Variants in GOLGA1 observed in about 807,000 individuals in gnomAD.
GOLGA1 encodes the protein golgin A1.
In GOLGA1, 63 loss-of-function variants were observed where a neutral mutation model predicts 119.7. The observed-to-expected ratio is 0.53, with a 90% CI of 0.43 to 0.65. The LOEUF is 0.65. GOLGA1 is among the 30% of genes least tolerant of loss of function. The probability of loss-of-function intolerance (pLI) is 0.00; values close to 1 mark genes in which losing one functional copy is unlikely to be tolerated. For missense variants in GOLGA1, 798 were observed against 912.8 expected (o/e 0.87, Z 1.62); for synonymous variants, 318 against 333.4 (o/e 0.95, Z 0.50).
chr9:124,878,515 G>A lies in GOLGA1; in HGVS notation c.*2015C>T, dbSNP rs997774385. 6.6e-6 allele frequency: 1 copy of A among 152,624 alleles called. No homozygotes were observed. The highest frequency in any genetic ancestry group is 2.4e-5 in the African/African-American group (1 of 41,446). The allele number at this position is 152,624 out of a possible 1,614,324, so 9.5% of individuals were successfully genotyped here. On this transcript the variant is annotated 3_prime_UTR_variant, in exon 23 of 23. Coordinates refer to ENST00000373555, the MANE Select transcript of GOLGA1 (RefSeq NM_002077.4). ...CGTATAAAGGGCTATAGATACCGTC[G>A]CTAACACAGAAAGTTTTATACAAGT...
At position 124,881,665 on chromosome 9, in the gene GOLGA1, CAA is replaced by C. The variant is rs1829584829; in HGVS notation, c.2136+117_2136+118del. ...AGCAGGAGAAATGACTGGGTGACCA[CAA>C]GGGCGTCAAACCAGGATGTACGAGG... On this transcript the variant is annotated intron_variant, in intron 21 of 22. Transcript: ENST00000373555. The surrounding 1 kb of genome is among the most constrained non-coding windows in gnomAD (Gnocchi z 4.9). The C allele has an allele frequency of 1.3e-6, 1 of 745,534 alleles. No homozygotes were observed. Among genetic ancestry groups the C allele is most frequent in the Non-Finnish European group, 2.3e-6 (1 of 440,360 alleles). 46.2% of individuals were successfully genotyped at this position (745,534 alleles called of 1,614,324 possible). A position where few individuals can be genotyped will look rare whatever the true frequency, so the allele number is the denominator to read the frequency against.
intron 3 of GOLGA1, among the ~76,000 whole-genome samples, chr9:124,932,724 G>A (rs1249948538): frequency 6.6e-6 from 1 of 152,194 alleles, no homozygotes; most frequent in Non-Finnish European, 1.5e-5. Context: ...CAACAGAAAT[G>A]TATTTCTCAC....
chr9:124,903,115 CA>C (rs986879950), intron 12 of GOLGA1, among the ~76,000 whole-genome samples: 3 of 152,162 alleles, frequency 2.0e-5, no homozygotes, highest in African/African-American at 7.2e-5. Context: ...TAAGTCCACA[CA>C]AAAACCTTGT....
intron 15 of GOLGA1, among the ~76,000 whole-genome samples, chr9:124,893,466 ATTTTG>A (rs139274410): frequency 0.013 from 2,043 of 151,900 alleles, 25 homozygotes; most frequent in Middle Eastern, 0.044. Flanking sequence ...CCTATCTTTG[ATTTTG>A]TTTTTTCTAG....
At position 124,889,186 on chromosome 9, in the gene GOLGA1, C is replaced by T. The variant is rs377511397; in HGVS notation, c.1718G>A (p.Arg573Gln). 5.2e-5 allele frequency: 84 copies of T among 1,612,494 alleles called. No homozygotes were observed. Among genetic ancestry groups the T allele is most frequent in the South Asian group, 6.6e-5 (6 of 91,008 alleles). ...GAGTGCTTCGGCCTGCAATGGGCCC[C>T]GCAGCCTCAGCAGGTCCTCCTGCTC... ...VAEQEDLLRL[R>Q]GPLQAEALSV... Residue 573 changes from arginine (R) to glutamine (Q), a missense_variant, in exon 18 of 23, where the codon CGG becomes CAG. Transcript: ENST00000373555.
intron 15 of GOLGA1, among the ~76,000 whole-genome samples, chr9:124,892,692 G>A (rs1169250768): frequency 6.6e-6 from 1 of 152,070 alleles, no homozygotes; most frequent in Middle Eastern, 3.2e-3. Flanking sequence ...CAGCACTTTG[G>A]GAGGCAAAAG....
chr9:124,934,614 T>C (rs551500163), intron 3 of GOLGA1, among the ~76,000 whole-genome samples: 1 of 152,312 alleles, frequency 6.6e-6, no homozygotes, highest in Non-Finnish European at 1.5e-5. Context: ...ATGCTGGCCA[T>C]ATAAGCTGAG....
At chr9:124,890,704 AG>A (rs978416920) in intron 15 of GOLGA1, among the ~76,000 whole-genome samples, 5 of 152,112 alleles carry the variant, frequency 3.3e-5, no homozygotes, top group African/African-American at 1.2e-4. Context: ...CACACCACTG[AG>A]GATCGATTGC....
chr9:124,933,302 T>TA (rs1273041450), intron 3 of GOLGA1, among the ~76,000 whole-genome samples: 1 of 152,210 alleles, frequency 6.6e-6, no homozygotes, highest in East Asian at 1.9e-4. Context: ...TCTGGGAACT[T>TA]AGATTTTGGG....
upstream of GOLGA1, chr9:124,945,723 T>C (rs1831135611): frequency 6.6e-6 from 1 of 152,220 alleles, no homozygotes; most frequent in Non-Finnish European, 1.5e-5. Flanking sequence ...TTCCCGTCAA[T>C]AGGTGATTGA....
At chr9:124,947,591 C>T (rs944276995) in intron 1 of GOLGA1, 1 of 152,056 alleles carries the variant, frequency 6.6e-6, no homozygotes, top group Non-Finnish European at 1.5e-5. Flanking sequence ...GGTATGGGTA[C>T]ATAATATACA....
intron 4 of GOLGA1, among the ~76,000 whole-genome samples, chr9:124,929,560 T>C (rs1830736890): frequency 6.6e-6 from 1 of 152,224 alleles, no homozygotes; most frequent in South Asian, 2.1e-4. Flanking sequence ...CTTAGCCTGG[T>C]GATCAGAAAT....
At chr9:124,929,194 A>G in intron 5 of GOLGA1, 22 bp downstream of exon 5, 1 of 1,449,862 alleles carries the variant, frequency 6.9e-7, no homozygotes, top group Non-Finnish European at 9.7e-7. Context: ...AAGATTGAAA[A>G]AAGCAGGAAA....
At position 124,898,619 on chromosome 9, in the gene GOLGA1, G is replaced by A; in HGVS notation, c.1337C>T (p.Ala446Val). 10 of 1,610,284 alleles carry A rather than the reference G, an allele frequency of 6.2e-6. No individual in the cohort carries two copies. Among genetic ancestry groups the A allele is most frequent in the Non-Finnish European group, 6.8e-6 (8 of 1,176,768 alleles). ...GMRQLEQENA[A>V]LKECRNEYER... Reference sequence around the variant, plus strand: ...ATATTCATTCCTGCATTCTTTAAGGGCTGCATTTTCTTGCTCCAGTTGTCT... The same window carrying A: ...ATATTCATTCCTGCATTCTTTAAGGACTGCATTTTCTTGCTCCAGTTGTCT... The change falls in exon 15 of 23, where the codon GCC becomes GTC. Residue 446 changes from alanine to valine, a missense_variant. Ala to Val is a moderately conservative substitution (Grantham distance 64). Coordinates refer to ENST00000373555, the MANE Select transcript of GOLGA1 (RefSeq NM_002077.4).
At chr9:124,885,357 C>T (rs1384362208) in intron 19 of GOLGA1, among the ~76,000 whole-genome samples, 1 of 150,036 alleles carries the variant, frequency 6.7e-6, no homozygotes, top group Non-Finnish European at 1.5e-5. Flanking sequence ...TGATCGTGGG[C>T]ACCTGTAATC....
intron 13 of GOLGA1, chr9:124,900,078 A>T (rs1233708769): frequency 1.5e-5 from 3 of 202,156 alleles, no homozygotes; most frequent in Non-Finnish European, 3.0e-5. Flanking sequence ...CTAACTCCAC[A>T]CCACGCTTGG....
At chr9:124,909,921 T>C (rs1830309184) in intron 11 of GOLGA1, among the ~76,000 whole-genome samples, 1 of 152,002 alleles carries the variant, frequency 6.6e-6, no homozygotes, top group African/African-American at 2.4e-5. Flanking sequence ...CCCGCCACCA[T>C]GCCCAGCTAA....
Position 124,898,613 on chromosome 9 carries a change from T to G in GOLGA1, c.1343A>C (p.Lys448Thr). 1 of 1,611,806 alleles carries G rather than the reference T, an allele frequency of 6.2e-7. No homozygotes were observed. Among genetic ancestry groups the G allele is most frequent in the East Asian group, 2.2e-5 (1 of 44,876 alleles). Residue 448 changes from lysine (K) to threonine (T), a missense_variant, in exon 15 of 23, where the codon AAA (lysine) becomes ACA (threonine). Coordinates refer to ENST00000373555, the MANE Select transcript of GOLGA1 (RefSeq NM_002077.4). ...RQLEQENAAL[K>T]ECRNEYERSL... ...ACGTTCATATTCATTCCTGCATTCTTTAAGGGCTGCATTTTCTTGCTCCAG... is the reference window on the plus strand; with the variant it reads ...ACGTTCATATTCATTCCTGCATTCTGTAAGGGCTGCATTTTCTTGCTCCAG...
At chr9:124,939,334 T>C (rs941786976) in intron 2 of GOLGA1, among the ~76,000 whole-genome samples, 1 of 152,154 alleles carries the variant, frequency 6.6e-6, no homozygotes, top group Non-Finnish European at 1.5e-5. Context: ...TAATTCAATA[T>C]TCAATATGTA....
Sources: gnomAD v4.1 joint callset for allele counts (sites outside exome capture counted in the v4.1 genomes callset) on GRCh38, gnomAD v4.1.1 for gene constraint, Gnocchi (gnomAD v3.1) non-coding constraint, MANE v1.5 for transcripts, NCBI Gene and HGNC (gene_info 2026-07-23, HGNC 2026-07-21) for gene names.